The following CTNNA2 variants were observed in gnomAD, a reference collection of about 807,000 sequenced individuals.
CTNNA2 encodes catenin alpha 2, also known as catenin alpha-2.
Under a neutral mutation model 101.0 loss-of-function variants are expected in CTNNA2, and 42 were observed. The observed-to-expected ratio is 0.42, with a 90% CI of 0.32 to 0.54. The LOEUF is 0.54. Among genes scored for constraint, CTNNA2 ranks in the 20% least tolerant of loss-of-function variants. The probability of loss-of-function intolerance (pLI) is 0.14; values close to 1 mark genes in which losing one functional copy is unlikely to be tolerated. For missense variants in CTNNA2, 871 were observed against 1,223.1 expected (o/e 0.71, Z 4.29); for synonymous variants, 450 against 456.4 (o/e 0.99, Z 0.18).
intron 17 of CTNNA2, among the ~76,000 whole-genome samples, chr2:80,615,720 A>C (rs555436070): frequency 5.1e-4 from 78 of 151,770 alleles, no homozygotes; most frequent in African/African-American, 1.8e-3. Context: ...TTATTTTGTC[A>C]AGTGCTTTTT....
intron 7 of CTNNA2, among the ~76,000 whole-genome samples, chr2:80,315,672 C>G (rs1481090189): frequency 1.2e-4 from 18 of 152,192 alleles, no homozygotes; most frequent in Admixed American, 1.2e-3. Context: ...TGTCTGTTAA[C>G]TAAAGCCAAT....
At chr2:79,939,752 A>T (rs2104452213) in intron 7 of CTNNA2, among the ~76,000 whole-genome samples, 1 of 152,348 alleles carries the variant, frequency 6.6e-6, no homozygotes, top group Non-Finnish European at 1.5e-5. Context: ...AATATAAAGA[A>T]ATAAAATTCC....
rs754904966 is a variant in CTNNA2, at chr2:80,168,843, C to T, written c.1057-224368C>T. Among the ~76,000 whole-genome samples, 31 of 152,006 alleles carry T rather than the reference C, an allele frequency of 2.0e-4. No individual in the cohort carries two copies. In the East Asian group the frequency reaches 2.7e-3, roughly 13 times the overall value. The stretch of plus-strand genomic sequence containing the variant: ...ATGTATAGTAGGGGATGAGAACTTA[C>T]GAATTAGAACATTTCCAACCCAGTT... On this transcript the variant is annotated intron_variant, in intron 7 of 18. Transcript: ENST00000402739.
chr2:79,713,562 C>T (rs1177107545), intron 2 of CTNNA2, among the ~76,000 whole-genome samples: 1 of 152,224 alleles, frequency 6.6e-6, no homozygotes, highest in Admixed American at 6.5e-5. Flanking sequence ...AATTACATCA[C>T]TCCAGTACTG....
At chr2:80,544,679 TAGG>T (rs1691882160) in intron 9 of CTNNA2, among the ~76,000 whole-genome samples, 1 of 152,118 alleles carries the variant, frequency 6.6e-6, no homozygotes, top group Admixed American at 6.6e-5. Flanking sequence ...TGTTGAGTCT[TAGG>T]AGGCTCCAGA....
At chr2:80,094,819 G>C (rs1489871424) in intron 7 of CTNNA2, among the ~76,000 whole-genome samples, 2 of 152,108 alleles carry the variant, frequency 1.3e-5, no homozygotes, top group African/African-American at 2.4e-5. Context: ...TCTGTTTTTG[G>C]TGTATAAGAA....
rs1380334001 is a variant in CTNNA2 at position 79,684,920 on chromosome 2, C to T, written c.102+33262C>T. 2.0e-5 allele frequency among the ~76,000 whole-genome samples: 3 copies of T among 152,152 alleles called. No homozygotes were observed. In the South Asian group the frequency reaches 6.2e-4, roughly 31 times the overall value. On this transcript the variant is annotated intron_variant, in intron 2 of 18. Transcript: ENST00000402739. ...CCTCTGTGAGCTCCGCCCTCTTTCC[C>T]AGTTCATCATGAGCTGGGAAATTCT...
intron 7 of CTNNA2, among the ~76,000 whole-genome samples, chr2:80,268,891 C>T (rs13390959): frequency 0.11 from 17,396 of 152,104 alleles, 2,299 homozygotes; most frequent in African/African-American, 0.32. Context: ...GCTGGAAGTG[C>T]TGGGGGCTCC....
intron 2 of CTNNA2, among the ~76,000 whole-genome samples, chr2:79,288,968 CT>C (rs1675709207): frequency 1.3e-5 from 2 of 152,178 alleles, no homozygotes; most frequent in African/African-American, 4.8e-5. Flanking sequence ...TTGATAGTCA[CT>C]TTTTTTCTAC....
chr2:79,892,877 C>A (rs892179313), intron 6 of CTNNA2, among the ~76,000 whole-genome samples: 2 of 152,130 alleles, frequency 1.3e-5, no homozygotes, highest in Non-Finnish European at 2.9e-5. Context: ...GGGGTGGAGG[C>A]AGATGACTTG....
rs138432828 is a variant in CTNNA2, at chr2:80,242,322, C to T, written c.1057-150889C>T. On this transcript the variant is annotated intron_variant, in intron 7 of 18. Transcript: ENST00000402739. ...TGCACAACCTGAAAATGATCCAAAG[C>T]TCAGAGTTATAATTAAGGACCTTGT... is the stretch of plus-strand genomic sequence containing the variant. Among the ~76,000 whole-genome samples the T allele has an allele frequency of 1.5e-3, 234 of 152,298 alleles. 2 individuals carry two copies. Among genetic ancestry groups the T allele is most frequent in the African/African-American group, 5.4e-3 (224 of 41,568 alleles).
At chr2:80,645,035 C>G (rs1368477724) in intron 18 of CTNNA2, among the ~76,000 whole-genome samples, 1 of 152,126 alleles carries the variant, frequency 6.6e-6, no homozygotes, top group Non-Finnish European at 1.5e-5. Context: ...CTCAATTCTC[C>G]CAAGACTCAC....
intron 7 of CTNNA2, among the ~76,000 whole-genome samples, chr2:80,373,218 A>C (rs981299729): frequency 6.6e-6 from 1 of 151,400 alleles, no homozygotes; most frequent in Admixed American, 6.6e-5. Flanking sequence ...TCTCAGTGTT[A>C]ATTAGTGGAG....
At chr2:80,500,250 T>G (rs1172789960) in intron 9 of CTNNA2, among the ~76,000 whole-genome samples, 2 of 152,184 alleles carry the variant, frequency 1.3e-5, no homozygotes, top group Non-Finnish European at 2.9e-5. Flanking sequence ...AAATGCAGAA[T>G]AAAAGTTTAC....
intron 7 of CTNNA2, among the ~76,000 whole-genome samples, chr2:80,242,744 A>T (rs905592089): frequency 1.3e-5 from 2 of 152,142 alleles, no homozygotes; most frequent in Non-Finnish European, 2.9e-5. Flanking sequence ...CAGATAGGGC[A>T]GCTGAACAGC....
At chr2:80,366,701 G>A (rs1437588349) in intron 7 of CTNNA2, among the ~76,000 whole-genome samples, 1 of 152,078 alleles carries the variant, frequency 6.6e-6, no homozygotes, top group Non-Finnish European at 1.5e-5. Context: ...TTGTTGCAGT[G>A]TGTCAAATCC....
At chr2:80,639,891 A>AG (rs2149851990) in intron 18 of CTNNA2, among the ~76,000 whole-genome samples, 1 of 152,204 alleles carries the variant, frequency 6.6e-6, no homozygotes, top group African/African-American at 2.4e-5. Context: ...TCATGAGGTC[A>AG]GGAGTTCAAG....
chr2:80,372,022 G>A (rs777003146), intron 7 of CTNNA2, among the ~76,000 whole-genome samples: 18 of 152,214 alleles, frequency 1.2e-4, no homozygotes, highest in South Asian at 2.1e-4. Flanking sequence ...CTTGTCGTCC[G>A]AATTGAAGCA....
At chr2:79,577,300 A>T (rs554475108) in intron 1 of CTNNA2, among the ~76,000 whole-genome samples, 2 of 152,232 alleles carry the variant, frequency 1.3e-5, no homozygotes, top group South Asian at 4.1e-4. Flanking sequence ...TTTTCCAGAT[A>T]AGCATTTTTA....
Sources: allele counts gnomAD v4.1 joint callset (sites outside exome capture counted in the v4.1 genomes callset), GRCh38; gene constraint gnomAD v4.1.1; transcripts MANE v1.5; gene names NCBI Gene and HGNC (gene_info 2026-07-23, HGNC 2026-07-21).